Variants in PHACTR2 observed in about 807,000 individuals in gnomAD.
PHACTR2 encodes phosphatase and actin regulator 2.
In PHACTR2, 30 loss-of-function variants were observed where a neutral mutation model predicts 76.0. That is an observed-to-expected ratio of 0.39 (90% CI 0.30 to 0.54). PHACTR2 has a LOEUF of 0.54. Ranked by LOEUF, PHACTR2 falls within the 20% of genes least tolerant of loss-of-function variation. The probability of loss-of-function intolerance (pLI) is 0.61; values close to 1 mark genes in which losing one functional copy is unlikely to be tolerated. For synonymous variants in PHACTR2, 292 were observed against 292.5 expected (o/e 1.00, Z 0.02); for missense variants, 696 against 781.1 (o/e 0.89, Z 1.30).
chr6:143,635,316 ATGTG>A (rs71834478), intron 1 of PHACTR2, among the ~76,000 whole-genome samples: 57,007 of 149,756 alleles, frequency 0.38, 11,519 homozygotes, highest in Non-Finnish European at 0.48. Context: ...AGCATTTAGG[ATGTG>A]TGTGTGTGTG....
At position 143,823,851 on chromosome 6, in the gene PHACTR2, G is replaced by T. The variant is rs1038747949; in HGVS notation, c.*162G>T. On this transcript the variant is annotated 3_prime_UTR_variant, in exon 13 of 13. Coordinates refer to ENST00000440869, the MANE Select transcript of PHACTR2 (RefSeq NM_001100164.2). The surrounding 1 kb of genome is among the most constrained non-coding windows in gnomAD (Gnocchi z 5.7). ...CTTGGCTGGGAAGTGCTCCTCACCT[G>T]TGTGGCCCAGATGGCTCCAACAAGC... is the stretch of plus-strand genomic sequence containing the variant. The T allele has an allele frequency of 4.3e-5, 27 of 624,810 alleles. No homozygotes were observed. Among genetic ancestry groups the T allele is most frequent in the Non-Finnish European group, 6.7e-5 (23 of 340,756 alleles). 38.7% of individuals were successfully genotyped at this position (624,810 alleles called of 1,614,324 possible).
At chr6:143,657,623 G>A (rs1439738997) in intron 1 of PHACTR2, among the ~76,000 whole-genome samples, 7 of 152,212 alleles carry the variant, frequency 4.6e-5, no homozygotes, top group South Asian at 2.1e-4. Context: ...TCTCTTAGAA[G>A]CCACGTCTTT....
intron 1 of PHACTR2, among the ~76,000 whole-genome samples, chr6:143,649,645 C>A (rs112352229): frequency 6.6e-6 from 1 of 152,114 alleles, no homozygotes; most frequent in Admixed American, 6.5e-5. Flanking sequence ...AATTCAACAT[C>A]GCTTCATGTT....
intron 1 of PHACTR2, among the ~76,000 whole-genome samples, chr6:143,586,384 C>T (rs1775629802): frequency 6.6e-6 from 1 of 152,164 alleles, no homozygotes; most frequent in Non-Finnish European, 1.5e-5. Flanking sequence ...GATAAATCCA[C>T]AAATTATTTT....
At position 143,558,340 on chromosome 6, in the gene PHACTR2, G is replaced by A. The variant is rs1371533543; in HGVS notation, c.217+21133G>A. On this transcript the variant is annotated intron_variant, in intron 1 of 11. Coordinates refer to the PHACTR2 transcript ENST00000367584. The surrounding 1 kb of genome is among the most constrained non-coding windows in gnomAD (Gnocchi z 4.7). ...CCTATTTACATGTAAAAATATGATA[G>A]GAGAAAAAAGATGTCTACTTTTTTG... Among the ~76,000 whole-genome samples, 2 of 151,994 alleles carry A rather than the reference G, an allele frequency of 1.3e-5. No individual in the cohort carries two copies. The highest frequency in any genetic ancestry group is 2.9e-5 in the Non-Finnish European group (2 of 67,986).
chr6:143,544,946 G>GTTTT (rs150283208), intron 1 of PHACTR2, among the ~76,000 whole-genome samples: 1 of 146,534 alleles, frequency 6.8e-6, no homozygotes, highest in African/African-American at 2.5e-5. Flanking sequence ...AGAGATTTTT[G>GTTTT]TTTTTTTTTT....
chr6:143,778,805 G>A (rs1775347015), intron 9 of PHACTR2, among the ~76,000 whole-genome samples: 1 of 152,160 alleles, frequency 6.6e-6, no homozygotes, highest in Non-Finnish European at 1.5e-5. Flanking sequence ...AAAGGGAAGA[G>A]CACATTTTGG....
intron 1 of PHACTR2, among the ~76,000 whole-genome samples, chr6:143,690,274 C>T (rs1346161780): frequency 6.6e-6 from 1 of 152,182 alleles, no homozygotes; most frequent in Non-Finnish European, 1.5e-5. Flanking sequence ...AGCCTTTGTC[C>T]TCTTCCCATG....
intron 1 of PHACTR2, among the ~76,000 whole-genome samples, chr6:143,588,811 A>G (rs149255972): frequency 2.6e-5 from 4 of 152,366 alleles, no homozygotes; most frequent in African/African-American, 9.6e-5. Flanking sequence ...AAGATATTAT[A>G]AACAATTTGA....
In PHACTR2 at chr6:143,774,458, T is replaced by C. The variant is rs1437419471; in HGVS notation, c.1589+243T>C. Among the ~76,000 whole-genome samples the C allele has an allele frequency of 1.3e-5, 2 of 152,224 alleles. No homozygotes were observed. The highest frequency in any genetic ancestry group is 2.9e-5 in the Non-Finnish European group (2 of 68,030). On this transcript the variant is annotated intron_variant, in intron 8 of 12. Transcript: ENST00000440869. This position sits in a 1 kb window ranked among gnomAD's most constrained non-coding sequence, Gnocchi z 5.4. ...TCAAAAACTTTTTTTTAAAGACCAG[T>C]TGGCAAACATTTCAGGCTTTGCTGG...
rs1037955686 is a variant in PHACTR2 at position 143,602,411 on chromosome 6, C to A, written c.217+65204C>A. On this transcript the variant is annotated intron_variant, in intron 1 of 11. Coordinates refer to the PHACTR2 transcript ENST00000367584. This position sits in a 1 kb window ranked among gnomAD's most constrained non-coding sequence, Gnocchi z 6.1. ...CATCAGCCATTTGTTTTTCCAACCTCATTTCTTGAGCCAGGACTCTCCATT... is the reference window on the plus strand; with the variant it reads ...CATCAGCCATTTGTTTTTCCAACCTAATTTCTTGAGCCAGGACTCTCCATT... Among the ~76,000 whole-genome samples, 3 of 152,196 alleles carry A rather than the reference C, an allele frequency of 2.0e-5. No individual in the cohort carries two copies. Among genetic ancestry groups the A allele is most frequent in the Non-Finnish European group, 4.4e-5 (3 of 68,032 alleles).
At position 143,659,182 on chromosome 6, in the gene PHACTR2, A is replaced by T; in HGVS notation, c.13+50860A>T. Among the ~76,000 whole-genome samples, 1 of 152,172 alleles carries T rather than the reference A, an allele frequency of 6.6e-6. No individual in the cohort carries two copies. Among genetic ancestry groups the T allele is most frequent in the East Asian group, 1.9e-4 (1 of 5,194 alleles). On this transcript the variant is annotated intron_variant, in intron 1 of 11. Transcript: ENST00000305766. This position sits in a 1 kb window ranked among gnomAD's most constrained non-coding sequence, Gnocchi z 5.0. ...TTCTACACCACTATAGACTTTATAA[A>T]CACTGTACACTTAGCCTACACTAAA... is the stretch of plus-strand genomic sequence containing the variant.
At chr6:143,703,135 C>G (rs1418454267) in intron 1 of PHACTR2, among the ~76,000 whole-genome samples, 1 of 141,674 alleles carries the variant, frequency 7.1e-6, no homozygotes, top group East Asian at 2.1e-4. Context: ...ATGGTAAAAC[C>G]CTGTCTCTAC....
rs572328580 is a variant in PHACTR2 at position 143,730,810 on chromosome 6, C to T, written c.215-18175C>T. On this transcript the variant is annotated intron_variant, in intron 2 of 12. Coordinates refer to ENST00000440869, the MANE Select transcript of PHACTR2 (RefSeq NM_001100164.2). The surrounding 1 kb of genome is among the most constrained non-coding windows in gnomAD (Gnocchi z 4.8). ...TGGCCCAGGCTGGAGTGCAGTGGCGCGATCTCGGCTCACTGTAACCTCCGC... is the reference window on the plus strand; with the variant it reads ...TGGCCCAGGCTGGAGTGCAGTGGCGTGATCTCGGCTCACTGTAACCTCCGC... Among the ~76,000 whole-genome samples the T allele has an allele frequency of 3.3e-5, 5 of 152,214 alleles. No homozygotes were observed. The highest frequency in any genetic ancestry group is 4.1e-4 in the South Asian group (2 of 4,826).
At position 143,803,504 on chromosome 6, in the gene PHACTR2, C is replaced by T. The variant is rs372059910; in HGVS notation, c.1846-3553C>T. Reference sequence around the variant, plus strand: ...CAGAGGTTGCAGTGAGCTGAGATCACGCCACTGCACTCCAACCTGAATGAC... The same window carrying T: ...CAGAGGTTGCAGTGAGCTGAGATCATGCCACTGCACTCCAACCTGAATGAC... On this transcript the variant is annotated intron_variant, in intron 11 of 12. Transcript: ENST00000440869. This position sits in a 1 kb window ranked among gnomAD's most constrained non-coding sequence, Gnocchi z 4.7. 2.4e-4 allele frequency among the ~76,000 whole-genome samples: 36 copies of T among 152,198 alleles called. No homozygotes were observed. Among genetic ancestry groups the T allele is most frequent in the African/African-American group, 6.7e-4 (28 of 41,532 alleles).
intron 1 of PHACTR2, among the ~76,000 whole-genome samples, chr6:143,699,081 T>A (rs1268139986): frequency 6.6e-6 from 1 of 152,150 alleles, no homozygotes; most frequent in Non-Finnish European, 1.5e-5. Flanking sequence ...GTAGGTGCCG[T>A]CTGCTGAGTT....
chr6:143,699,856 C>T (rs1777861723), intron 1 of PHACTR2, among the ~76,000 whole-genome samples: 1 of 152,206 alleles, frequency 6.6e-6, no homozygotes, highest in Non-Finnish European at 1.5e-5. Flanking sequence ...CTTAACTGAG[C>T]TATAAGGACG....
At chr6:143,682,155 G>A (rs977561474) in intron 1 of PHACTR2, among the ~76,000 whole-genome samples, 31 of 152,176 alleles carry the variant, frequency 2.0e-4, no homozygotes, top group African/African-American at 7.5e-4. Flanking sequence ...GATCAATTTG[G>A]GTAGTACTGC....
At chr6:143,634,102 C>T (rs932708825) in intron 1 of PHACTR2, among the ~76,000 whole-genome samples, 4 of 152,134 alleles carry the variant, frequency 2.6e-5, no homozygotes, top group Admixed American at 6.5e-5. Flanking sequence ...AGAAAATGGC[C>T]TAGAAAATGT....
Sources: allele counts gnomAD v4.1 joint callset (sites outside exome capture counted in the v4.1 genomes callset), GRCh38; gene constraint gnomAD v4.1.1; non-coding constraint Gnocchi (gnomAD v3.1); transcripts MANE v1.5; gene names NCBI Gene and HGNC (gene_info 2026-07-23, HGNC 2026-07-21).